TYW1: variants seen among roughly 807,000 people sequenced by gnomAD.
TYW1 encodes tRNA-yW synthesizing protein 1 homolog.
TYW1 carries 46 observed loss-of-function variants against 96.2 expected under a neutral mutation model. The observed-to-expected ratio is 0.48, with a 90% CI of 0.38 to 0.61. The LOEUF is 0.61. TYW1 is among the 20% of genes least tolerant of loss of function. The pLI is 0.00. For missense variants in TYW1, 684 were observed against 909.6 expected (o/e 0.75, Z 3.19); for synonymous variants, 274 against 323.0 (o/e 0.85, Z 1.63).
intron 7 of TYW1, among the ~76,000 whole-genome samples, chr7:67,031,862 C>T (rs886689818): frequency 9.2e-5 from 14 of 151,636 alleles, no homozygotes; most frequent in African/African-American, 3.4e-4. Context: ...CCAAATTTAG[C>T]ATCATCATTT....
chr7:67,058,213 C>T (rs530751022), intron 9 of TYW1, among the ~76,000 whole-genome samples: 2 of 152,344 alleles, frequency 1.3e-5, no homozygotes, highest in East Asian at 3.9e-4. Flanking sequence ...AGGTTACAGG[C>T]GTAGGCCACT....
At chr7:67,156,222 G>A (rs1289101948) in intron 13 of TYW1, among the ~76,000 whole-genome samples, 3 of 152,228 alleles carry the variant, frequency 2.0e-5, no homozygotes, top group Non-Finnish European at 4.4e-5. Flanking sequence ...GGCTGGGCCT[G>A]TGTGTTCTTA....
At chr7:67,057,258 C>A (rs1358968618) in intron 9 of TYW1, among the ~76,000 whole-genome samples, 1 of 151,952 alleles carries the variant, frequency 6.6e-6, no homozygotes, top group Non-Finnish European at 1.5e-5. Flanking sequence ...CGTGATCTGC[C>A]CACCTCGGCC....
At chr7:67,219,002 G>A (rs1608581) in intron 15 of TYW1, among the ~76,000 whole-genome samples, 40,777 of 152,090 alleles carry the variant, frequency 0.27, 5,829 homozygotes, top group African/African-American at 0.36. Flanking sequence ...AAAGCTTTCA[G>A]TGTTTTACTA....
intron 15 of TYW1, among the ~76,000 whole-genome samples, chr7:67,201,514 C>T (rs1800598320): frequency 6.7e-6 from 1 of 150,064 alleles, no homozygotes; most frequent in South Asian, 2.1e-4. Flanking sequence ...AGGCATGACT[C>T]CCTGGCCTCT....
chr7:67,188,321 A>G (rs1259823133), intron 14 of TYW1, among the ~76,000 whole-genome samples: 1 of 152,118 alleles, frequency 6.6e-6, no homozygotes, highest in Non-Finnish European at 1.5e-5. Flanking sequence ...CTCTGTCTCA[A>G]AAAAAAATTA....
chr7:67,209,404 G>C (rs6460333), intron 15 of TYW1, among the ~76,000 whole-genome samples: 40,736 of 151,968 alleles, frequency 0.27, 5,826 homozygotes, highest in African/African-American at 0.36. Flanking sequence ...GACAATCCAA[G>C]AAGCTTTGAT....
chr7:67,040,736 T>TGG (rs1008552868), intron 7 of TYW1, among the ~76,000 whole-genome samples: 1 of 151,660 alleles, frequency 6.6e-6, no homozygotes, highest in African/African-American at 2.4e-5. Flanking sequence ...TCCCAGCTAC[T>TGG]GGGAGGCTGA....
At chr7:67,009,871 C>T (rs1241548294) in intron 4 of TYW1, 187 bp downstream of exon 4, 11 of 592,266 alleles carry the variant, frequency 1.9e-5, no homozygotes, top group East Asian at 3.2e-5. Flanking sequence ...CTGATTCTCA[C>T]GTGGTGTGGG....
At chr7:67,002,404 G>C (rs1403959753) in intron 3 of TYW1, among the ~76,000 whole-genome samples, 1 of 151,780 alleles carries the variant, frequency 6.6e-6, no homozygotes, top group Admixed American at 6.6e-5. Flanking sequence ...TCTTCATTCT[G>C]CTGTTGGATT....
intron 10 of TYW1, 25 bp from the exon 11 acceptor site, chr7:67,083,405 T>C (rs1032984886): frequency 6.2e-7 from 1 of 1,611,390 alleles, no homozygotes; most frequent in Non-Finnish European, 8.5e-7. Flanking sequence ...GAAGGGTCTT[T>C]TAGAACTTTG....
chr7:67,019,120 C>T (rs1205154960), intron 6 of TYW1, among the ~76,000 whole-genome samples: 5 of 152,160 alleles, frequency 3.3e-5, no homozygotes, highest in African/African-American at 1.2e-4. Context: ...AAACCATCCC[C>T]TTCACATCAG....
At chr7:67,151,480 C>T (rs1375691463) in intron 13 of TYW1, among the ~76,000 whole-genome samples, 2 of 152,050 alleles carry the variant, frequency 1.3e-5, no homozygotes, top group Non-Finnish European at 2.9e-5. Context: ...TCTCTCTTAC[C>T]AATACCTAGG....
rs192820321 is a variant in TYW1 at position 67,047,104 on chromosome 7, A to T, written c.985-2845A>T. On this transcript the variant is annotated intron_variant, in intron 7 of 15. Coordinates refer to ENST00000359626, the MANE Select transcript of TYW1 (RefSeq NM_018264.4). The stretch of plus-strand genomic sequence containing the variant: ...TGGTGACAGAGGCTTTTGAGGGCAA[A>T]TACTGCCATGTCTTATCAATTTTTT... Among the ~76,000 whole-genome samples the T allele has an allele frequency of 2.6e-3, 394 of 152,296 alleles. 1 individual carries two copies. The highest frequency in any genetic ancestry group is 4.9e-3 in the Non-Finnish European group (334 of 68,018).
chr7:67,056,492 C>CAA (rs911271482), intron 9 of TYW1, among the ~76,000 whole-genome samples: 10 of 65,842 alleles, frequency 1.5e-4, no homozygotes, highest in Admixed American at 8.3e-4. Context: ...GATTCCATCT[C>CAA]AAAAAAAAAA....
At chr7:67,026,247 A>G (rs1216113864) in intron 7 of TYW1, among the ~76,000 whole-genome samples, 2 of 152,022 alleles carry the variant, frequency 1.3e-5, no homozygotes, top group South Asian at 4.2e-4. Flanking sequence ...TAATTTTTGT[A>G]TTTTTAGTAG....
chr7:67,210,667 C>T lies in TYW1; in HGVS notation c.1977+15330C>T, dbSNP rs1800970138. The stretch of plus-strand genomic sequence containing the variant: ...TCCATCCTTCTGTGCATCCATCCAT[C>T]CGTCATCTGTCTATCCATCCATTCG... On this transcript the variant is annotated intron_variant, in intron 15 of 15. Coordinates refer to ENST00000359626, the MANE Select transcript of TYW1 (RefSeq NM_018264.4). Among the ~76,000 whole-genome samples the T allele has an allele frequency of 4.7e-5, 7 of 147,812 alleles. No individual in the cohort carries two copies. In the South Asian group the frequency reaches 1.5e-3, roughly 32 times the overall value.
intron 8 of TYW1, among the ~76,000 whole-genome samples, chr7:67,053,644 T>A (rs1795431533): frequency 6.6e-6 from 1 of 152,182 alleles, no homozygotes; most frequent in Non-Finnish European, 1.5e-5. Context: ...CCTCCCAAAG[T>A]GCTGGGATTT....
chr7:67,181,227 A>G (rs926574700), intron 13 of TYW1, among the ~76,000 whole-genome samples: 5 of 152,176 alleles, frequency 3.3e-5, no homozygotes, highest in Non-Finnish European at 7.3e-5. Context: ...CATTCCCGGA[A>G]TTTTTAACAA....
Sources: gnomAD v4.1 joint callset for allele counts (sites outside exome capture counted in the v4.1 genomes callset) on GRCh38, gnomAD v4.1.1 for gene constraint, MANE v1.5 for transcripts, NCBI Gene and HGNC (gene_info 2026-07-23, HGNC 2026-07-21) for gene names.